The following ZAN variants were observed in gnomAD, a reference collection of about 807,000 sequenced individuals.
The protein encoded by ZAN is zonadhesin (gene/pseudogene).
Under a neutral mutation model 286.2 loss-of-function variants are expected in ZAN, and 260 were observed. The observed-to-expected ratio is 0.91, with a 90% CI of 0.82 to 1.01. ZAN has a LOEUF of 1.01. Among genes scored for constraint, ZAN ranks in the 50% least tolerant of loss-of-function variants. The pLI is 0.00. For synonymous variants in ZAN, 1,368 were observed against 1,417.5 expected (o/e 0.97, Z 0.79); for missense variants, 3,410 against 3,639.2 (o/e 0.94, Z 1.62).
At chr7:100,749,626 T>G (rs796731179) in intron 11 of ZAN, among the ~76,000 whole-genome samples, 16 of 115,566 alleles carry the variant, frequency 1.4e-4, no homozygotes, top group African/African-American at 5.0e-4. Flanking sequence ...GGTGACAGAG[T>G]GAGACTCCGT....
At chr7:100,792,546 T>A in intron 42 of ZAN, 67 bp downstream of exon 42, 2 of 1,603,518 alleles carry the variant, frequency 1.2e-6, no homozygotes, top group South Asian at 1.1e-5. Flanking sequence ...CCCTCTGCGG[T>A]GAGGTGTTGC....
chr7:100,736,954 G>T lies in ZAN; in HGVS notation c.399G>T (p.Arg133Ser). The change falls in exon 5 of 48, where the codon AGG (arginine) becomes AGT (serine). Residue 133 changes from arginine to serine, a missense_variant. Physicochemically the swap from Arg to Ser is moderately radical, Grantham distance 110. This residue lies in a region of ZAN where 872 missense variants were observed against 938.9 expected (regional missense o/e 0.93). Coordinates refer to ENST00000613979, the MANE Select transcript of ZAN (RefSeq NM_003386.3). ...GGCTGTCTTGGGGCGCCCAGCTCAG[G>T]CTGCTGCTGCTCTCGGGTGAAGAGG... ...MFGLSWGAQL[R>S]LLLLSGEEGR... 1 of 1,503,512 alleles carries T rather than the reference G, an allele frequency of 6.7e-7. No individual in the cohort carries two copies. The allele number at this position is 1,503,512 out of a possible 1,614,324, so 93.1% of individuals were successfully genotyped here. A position where few individuals can be genotyped will look rare whatever the true frequency, so the allele number is the denominator to read the frequency against.
intron 16 of ZAN, 41 bp from the exon 17 acceptor site, chr7:100,758,490 G>A: frequency 6.4e-7 from 1 of 1,553,904 alleles, no homozygotes; most frequent in Non-Finnish European, 8.7e-7. Flanking sequence ...GCCTGGAGGA[G>A]CCACAGAAGC....
chr7:100,761,427 G>C (rs59111982), intron 19 of ZAN, among the ~76,000 whole-genome samples: 8 of 152,106 alleles, frequency 5.3e-5, no homozygotes, highest in African/African-American at 1.7e-4. Flanking sequence ...ATCACTTGAG[G>C]CCAGGAGTTC....
Position 100,758,566 on chromosome 7 carries a change from C to A in ZAN, c.3487C>A (p.His1163Asn), listed in dbSNP as rs371867448. Residue 1163 changes from histidine (H) to asparagine (N), a missense_variant, in exon 17 of 48, where the codon CAT becomes AAT. Around this residue, in one of 7 missense-constraint regions of ZAN, gnomAD observed 1,042 missense variants for 1,058.0 expected, o/e 0.98. Transcript: ENST00000613979. Reference sequence around the variant, plus strand: ...CACCTGCTTGGTCTACGGAGACCCTCATTATGTCACCTTTGACGGGAGGCA... The same window carrying A: ...CACCTGCTTGGTCTACGGAGACCCTAATTATGTCACCTTTGACGGGAGGCA... Reference protein sequence around the residue: ...TATCLVYGDPHYVTFDGRHFG... With the variant: ...TATCLVYGDPNYVTFDGRHFG... The A allele has an allele frequency of 6.4e-7, 1 of 1,565,610 alleles. No individual in the cohort carries two copies. Among genetic ancestry groups the A allele is most frequent in the South Asian group, 1.2e-5 (1 of 84,958 alleles).
At position 100,785,859 on chromosome 7, in the gene ZAN, A is replaced by C. The variant is rs1811528109; in HGVS notation, c.6835-138A>C. ...TTTTTAGTAGAGACAGGGTTTCACCATGTTGGCTGGGCTCGTCACAAACTC... is the reference window on the plus strand; with the variant it reads ...TTTTTAGTAGAGACAGGGTTTCACCCTGTTGGCTGGGCTCGTCACAAACTC... On this transcript the variant is annotated intron_variant, in intron 36 of 47. Coordinates refer to ENST00000613979, the MANE Select transcript of ZAN (RefSeq NM_003386.3). 6.3e-6 allele frequency: 7 copies of C among 1,119,238 alleles called. No homozygotes were observed. The South Asian group carries it at 1.1e-4, about 18-fold the overall frequency. 69.3% of individuals were successfully genotyped at this position (1,119,238 alleles called of 1,614,324 possible). A position where few individuals can be genotyped will look rare whatever the true frequency, so the allele number is the denominator to read the frequency against.
Position 100,763,811 on chromosome 7 carries a change from A to G in ZAN, c.3992A>G (p.Gln1331Arg). Residue 1331 changes from glutamine (Q) to arginine (R), a missense_variant, in exon 21 of 48, where the codon CAG (glutamine) becomes CGG (arginine). This residue lies in a region of ZAN where 1,042 missense variants were observed against 1,058.0 expected (regional missense o/e 0.98). Coordinates refer to ENST00000613979, the MANE Select transcript of ZAN (RefSeq NM_003386.3). The surrounding 1 kb of genome is among the most constrained non-coding windows in gnomAD (Gnocchi z 4.6). The stretch of plus-strand genomic sequence containing the variant: ...TTGGGGTGGGTCTCTTGCAGGTGTC[A>G]GAAGTACCAGGTGGTGAATTCCCCG... ...QTDQDEDQEC[Q>R]KYQVVNSPSC... is the part of the protein sequence containing the mutation. 1 of 1,614,016 alleles carries G rather than the reference A, an allele frequency of 6.2e-7. No homozygotes were observed. Among genetic ancestry groups the G allele is most frequent in the Non-Finnish European group, 8.5e-7 (1 of 1,179,872 alleles).
chr7:100,769,156 C>T (rs562815463), intron 27 of ZAN, among the ~76,000 whole-genome samples: 16 of 152,218 alleles, frequency 1.1e-4, no homozygotes, highest in South Asian at 6.2e-4. Context: ...TGCAGTGGCA[C>T]GATCTCAGCT....
rs748107742 is a variant in ZAN, at chr7:100,788,075, A to G, written c.7166A>G (p.Gln2389Arg). The change falls in exon 38 of 48, where the codon CAG becomes CGG. Residue 2389 changes from glutamine (Q) to arginine (R), a missense_variant. By Grantham distance (43) the Gln-to-Arg change is conservative. Transcript: ENST00000613979. ...CCGCCCAGGAGCTCCATCTTCTTGC[A>G]GGAAGTGATTACCACCGTCTACGGC... ...MDPPRSSIFLQEVITTVYGYK... is the reference protein window; with the variant it reads ...MDPPRSSIFLREVITTVYGYK... 1.3e-6 allele frequency: 2 copies of G among 1,585,124 alleles called. No homozygotes were observed. The highest frequency in any genetic ancestry group is 1.1e-5 in the South Asian group (1 of 87,020).
chr7:100,767,772 T>C, intron 25 of ZAN, 59 bp from the exon 26 acceptor site: 1 of 1,556,034 alleles, frequency 6.4e-7, no homozygotes, highest in South Asian at 1.2e-5. Flanking sequence ...GCCCCCGTCC[T>C]TGCCTTTATC....
intron 31 of ZAN, among the ~76,000 whole-genome samples, chr7:100,774,136 C>T (rs1425132013): frequency 6.6e-6 from 1 of 152,230 alleles, no homozygotes; most frequent in Admixed American, 6.6e-5. Flanking sequence ...CACTTGTAAT[C>T]TCAGCACTTT....
intron 11 of ZAN, among the ~76,000 whole-genome samples, chr7:100,749,477 A>G (rs1025332827): frequency 2.0e-5 from 3 of 150,524 alleles, no homozygotes; most frequent in Admixed American, 6.6e-5. Context: ...CGTCCCTACT[A>G]AAAACACAAA....
At position 100,750,825 on chromosome 7, in the gene ZAN, G is replaced by A. The variant is rs369132205; in HGVS notation, c.1450G>A (p.Val484Met). Residue 484 changes from valine to methionine, a missense_variant, in exon 12 of 48, where the codon GTG becomes ATG. Coordinates refer to ENST00000613979, the MANE Select transcript of ZAN (RefSeq NM_003386.3). ...GSPPIPLWKRVGSQRPYWQNT... is the reference protein window; with the variant it reads ...GSPPIPLWKRMGSQRPYWQNT... Reference sequence around the variant, plus strand: ...TCCCCCGATTCCTCTCTGGAAACGCGTGGGGTCTCAGCGCCCTTACTGGCA... The same window carrying A: ...TCCCCCGATTCCTCTCTGGAAACGCATGGGGTCTCAGCGCCCTTACTGGCA... 1.6e-5 allele frequency: 25 copies of A among 1,602,304 alleles called. No individual in the cohort carries two copies. In the African/African-American group the frequency reaches 2.3e-4, roughly 15 times the overall value.
At chr7:100,734,678 A>C (rs1395581662) in intron 2 of ZAN, among the ~76,000 whole-genome samples, 2 of 139,930 alleles carry the variant, frequency 1.4e-5, no homozygotes. Flanking sequence ...GTGGGATGGA[A>C]ATGGGTTGAC....
At position 100,784,054 on chromosome 7, in the gene ZAN, A is replaced by G. The variant is rs74826038; in HGVS notation, c.6623-569A>G. ...CTTGCTGTCAACACACCTACTGATC[A>G]TACACATCAAGGTCCTGCTGCCGTT... On this transcript the variant is annotated intron_variant, in intron 35 of 47. Transcript: ENST00000613979. Among the ~76,000 whole-genome samples the G allele has an allele frequency of 6.6e-3, 987 of 150,012 alleles. 31 individuals carry two copies. The East Asian group carries it at 0.099, about 15-fold the overall frequency.
intron 7 of ZAN, among the ~76,000 whole-genome samples, chr7:100,738,880 T>C (rs1253704778): frequency 3.7e-4 from 3 of 8,218 alleles, no homozygotes; most frequent in Non-Finnish European, 1.4e-3. Context: ...TTCTTCTCCC[T>C]CTCCCTCTCC....
chr7:100,734,559 C>T (rs1196523277), intron 2 of ZAN, among the ~76,000 whole-genome samples: 1 of 134,288 alleles, frequency 7.4e-6, no homozygotes. Context: ...GCGGAGTTTG[C>T]AGTGAGCTGA....
intron 39 of ZAN, among the ~76,000 whole-genome samples, chr7:100,790,702 G>A (rs1360088735): frequency 6.6e-6 from 1 of 151,872 alleles, no homozygotes; most frequent in Non-Finnish European, 1.5e-5. Context: ...GGCCAACATG[G>A]TGAAACACTG....
In ZAN at chr7:100,760,621, C is replaced by T. The variant is rs929701088; in HGVS notation, c.3842+85C>T. The T allele has an allele frequency of 3.3e-6, 5 of 1,535,312 alleles. No homozygotes were observed. In the East Asian group the frequency reaches 7.1e-5, roughly 22 times the overall value. Reference sequence around the variant, plus strand: ...TCTTCTTCCTGCTGCCCACCCTGCCCACTCCCCTTCCATCCCTGGCACCAC... The same window carrying T: ...TCTTCTTCCTGCTGCCCACCCTGCCTACTCCCCTTCCATCCCTGGCACCAC... On this transcript the variant is annotated intron_variant, in intron 19 of 47. Coordinates refer to ENST00000613979, the MANE Select transcript of ZAN (RefSeq NM_003386.3).
Sources: gnomAD v4.1 joint callset for allele counts (sites outside exome capture counted in the v4.1 genomes callset) on GRCh38, gnomAD v4.1.1 for gene constraint, gnomAD v4.1.1 regional missense constraint, Gnocchi (gnomAD v3.1) non-coding constraint, MANE v1.5 for transcripts, NCBI Gene and HGNC (gene_info 2026-07-23, HGNC 2026-07-21) for gene names.